Variants in GRM7 observed in about 807,000 individuals in gnomAD.
GRM7 encodes glutamate metabotropic receptor 7.
A neutral mutation model predicts 84.5 loss-of-function variants in GRM7; 35 were observed. The observed-to-expected ratio is 0.41, with a 90% CI of 0.32 to 0.55. The LOEUF (loss-of-function observed/expected upper bound fraction) is 0.55. Ranked by LOEUF, GRM7 falls within the 20% of genes least tolerant of loss-of-function variation. GRM7 has a pLI of 0.19. For synonymous variants in GRM7, 487 were observed against 455.1 expected (o/e 1.07, Z -0.89); for missense variants, 1,003 against 1,194.6 (o/e 0.84, Z 2.36).
chr3:7,108,395 A>G (rs988198288), intron 1 of GRM7, among the ~76,000 whole-genome samples: 5 of 152,058 alleles, frequency 3.3e-5, no homozygotes, highest in African/African-American at 1.2e-4. Context: ...TATTGAACAC[A>G]GGTCCACTAC....
intron 7 of GRM7, among the ~76,000 whole-genome samples, chr3:7,513,247 G>A (rs1375513087): frequency 6.6e-6 from 1 of 152,170 alleles, no homozygotes; most frequent in Non-Finnish European, 1.5e-5. Context: ...TTTCACAGGA[G>A]GAGTGGACCA....
chr3:6,915,576 A>G (rs1339017109), intron 1 of GRM7, among the ~76,000 whole-genome samples: 1 of 152,230 alleles, frequency 6.6e-6, no homozygotes, highest in African/African-American at 2.4e-5. Flanking sequence ...CATACCAATG[A>G]ACCTGCATGT....
intron 7 of GRM7, among the ~76,000 whole-genome samples, chr3:7,493,987 T>A (rs1174992119): frequency 6.6e-6 from 1 of 152,082 alleles, no homozygotes; most frequent in Non-Finnish European, 1.5e-5. Context: ...TTATCTTGGG[T>A]GTCAGATGGT....
chr3:7,443,745 A>C (rs949177684), intron 5 of GRM7, among the ~76,000 whole-genome samples: 6 of 152,166 alleles, frequency 3.9e-5, no homozygotes, highest in African/African-American at 1.4e-4. Context: ...CACTTTAGAA[A>C]ACACATAGAA....
At chr3:7,095,112 G>A (rs1698810343) in intron 1 of GRM7, among the ~76,000 whole-genome samples, 1 of 151,926 alleles carries the variant, frequency 6.6e-6, no homozygotes, top group Non-Finnish European at 1.5e-5. Flanking sequence ...TTACAGCAAT[G>A]CCCAACCTAG....
At position 7,107,047 on chromosome 3, in the gene GRM7, A is replaced by AG. The variant is rs552984557; in HGVS notation, c.520-39400dup. On this transcript the variant is annotated intron_variant, in intron 1 of 9. Transcript: ENST00000357716. Reference sequence around the variant, plus strand: ...ACCTTTTTAAACTCACACAAAACCTAGGGGGCTATGACACCTGAGGGACAG... The same window carrying AG: ...ACCTTTTTAAACTCACACAAAACCTAGGGGGGCTATGACACCTGAGGGACAG... Among the ~76,000 whole-genome samples the AG allele has an allele frequency of 2.5e-4, 38 of 152,136 alleles. 2 individuals are homozygous for AG. In the South Asian group the frequency reaches 7.7e-3, roughly 31 times the overall value.
At chr3:7,668,644 C>A (rs1256419821) in intron 8 of GRM7, among the ~76,000 whole-genome samples, 3 of 152,158 alleles carry the variant, frequency 2.0e-5, no homozygotes, top group Non-Finnish European at 4.4e-5. Flanking sequence ...GGTAGAAGAA[C>A]ATACTAGGGG....
chr3:7,305,792 C>T (rs1345903927), intron 3 of GRM7, among the ~76,000 whole-genome samples: 2 of 152,108 alleles, frequency 1.3e-5, no homozygotes, highest in Non-Finnish European at 2.9e-5. Context: ...ACAAACAAAC[C>T]ACTTATCCTG....
At chr3:6,949,747 G>A (rs555092544) in intron 1 of GRM7, among the ~76,000 whole-genome samples, 1 of 152,238 alleles carries the variant, frequency 6.6e-6, no homozygotes, top group East Asian at 1.9e-4. Context: ...TGGAGGCTTT[G>A]TTTGTTTCGT....
intron 9 of GRM7, chr3:7,682,336 CAAAAAAAA>C (rs905940773): frequency 3.9e-5 from 2 of 51,100 alleles, no homozygotes; most frequent in East Asian, 6.7e-4. Flanking sequence ...AACTCCATCT[CAAAAAAAA>C]AAAAAAAAAA....
chr3:7,687,912 T>G (rs1575633699), intron 9 of GRM7, among the ~76,000 whole-genome samples: 1 of 152,164 alleles, frequency 6.6e-6, no homozygotes, highest in Admixed American at 6.6e-5. Flanking sequence ...GTTATTTCCT[T>G]TTTCCCTATC....
At chr3:7,567,087 G>T (rs774579255) in intron 7 of GRM7, among the ~76,000 whole-genome samples, 4 of 152,156 alleles carry the variant, frequency 2.6e-5, no homozygotes, top group African/African-American at 2.4e-5. Context: ...AGACTTGGTT[G>T]TTTGGGGTGG....
intron 1 of GRM7, among the ~76,000 whole-genome samples, chr3:7,055,503 G>GTA (rs1553611544): frequency 5.4e-5 from 8 of 148,724 alleles, no homozygotes; most frequent in African/African-American, 1.8e-4. Context: ...GTGTGTGTGT[G>GTA]TGTATGTATA....
intron 9 of GRM7, among the ~76,000 whole-genome samples, chr3:7,690,358 G>A (rs927435822): frequency 4.6e-5 from 7 of 151,828 alleles, no homozygotes; most frequent in Admixed American, 1.3e-4. Flanking sequence ...GTAGATGCAC[G>A]GGAAACATTT....
chr3:7,584,489 G>C (rs1695419097), intron 8 of GRM7, among the ~76,000 whole-genome samples: 1 of 152,192 alleles, frequency 6.6e-6, no homozygotes, highest in Non-Finnish European at 1.5e-5. Flanking sequence ...ATGGCAAAAA[G>C]CAGCAAAGCC....
chr3:7,686,496 A>G (rs1700591245), intron 9 of GRM7: 5 of 813,602 alleles, frequency 6.1e-6, no homozygotes, highest in Admixed American at 1.9e-5. Flanking sequence ...CTTGTCTCCA[A>G]TGAGAATTAG....
At chr3:7,310,380 T>C (rs180992866) in intron 4 of GRM7, among the ~76,000 whole-genome samples, 5 of 152,260 alleles carry the variant, frequency 3.3e-5, no homozygotes, top group East Asian at 1.9e-4. Flanking sequence ...TAATAGTAAT[T>C]TTTACTTATG....
chr3:7,399,227 A>T (rs1695345620), intron 4 of GRM7, among the ~76,000 whole-genome samples: 1 of 151,586 alleles, frequency 6.6e-6, no homozygotes, highest in South Asian at 2.1e-4. Flanking sequence ...TGTCCTCAAC[A>T]TTTTCTGGAA....
At chr3:7,516,509 ATAGT>A (rs1196777787) in intron 7 of GRM7, among the ~76,000 whole-genome samples, 36 of 111,970 alleles carry the variant, frequency 3.2e-4, no homozygotes, top group Non-Finnish European at 6.2e-4. Flanking sequence ...AAAAAAAGAA[ATAGT>A]TAGTTCATTA....
Sources: allele counts gnomAD v4.1 joint callset (sites outside exome capture counted in the v4.1 genomes callset), GRCh38; gene constraint gnomAD v4.1.1; transcripts MANE v1.5; gene names NCBI Gene and HGNC (gene_info 2026-07-23, HGNC 2026-07-21).